The following CAMK2A variants were observed in gnomAD, a reference collection of about 807,000 sequenced individuals.
CAMK2A encodes the protein calcium/calmodulin-dependent protein kinase type II subunit alpha.
A neutral mutation model predicts 79.2 loss-of-function variants in CAMK2A; 7 were observed. The ratio of observed to expected loss-of-function variants is 0.09; its 90% confidence interval spans 0.05 to 0.17. CAMK2A has a LOEUF of 0.17. CAMK2A is among the 10% of genes least tolerant of loss of function. The pLI is 1.00. For missense variants in CAMK2A, 214 were observed against 646.4 expected, an observed-to-expected ratio of 0.33 and a Z score of 7.25; for synonymous variants, 242 against 251.7, an observed-to-expected ratio of 0.96 and a Z score of 0.36.
intron 17 of CAMK2A, among the ~76,000 whole-genome samples, chr5:150,227,715 GCT>G (rs1038453327): frequency 6.6e-6 from 1 of 152,184 alleles, no homozygotes. Context: ...AGCAGTGTGA[GCT>G]CTCTGTCCTC....
rs890188403 is a variant in CAMK2A, at chr5:150,278,560, G to A, written c.63-5401C>T. On this transcript the variant is annotated intron_variant, in intron 1 of 18. Transcript: ENST00000671881. ...AACAGGACAGGGCAGGAGAGGCAAC[G>A]AGGCCAAGTTGGGGAGGGCAAGGGT... Among the ~76,000 whole-genome samples the A allele has an allele frequency of 7.9e-5, 12 of 152,182 alleles. 1 individual carries two copies. The highest frequency in any genetic ancestry group is 2.1e-4 in the South Asian group (1 of 4,812).
Position 150,284,494 on chromosome 5 carries a change from GAGGA to G in CAMK2A, c.62+5066_62+5069del, listed in dbSNP as rs1454092126. On this transcript the variant is annotated intron_variant, in intron 1 of 18. Coordinates refer to ENST00000671881, the MANE Select transcript of CAMK2A (RefSeq NM_015981.4). The surrounding 1 kb of genome is among the most constrained non-coding windows in gnomAD (Gnocchi z 5.3). ...CTGTGTGCTTGTGGAGGGAGGTGGG[GAGGA>G]AGGGAGGGAGGGAGGGAGGCTCAGC... is the stretch of plus-strand genomic sequence containing the variant. Among the ~76,000 whole-genome samples, 11 of 147,260 alleles carry G rather than the reference GAGGA, an allele frequency of 7.5e-5. No homozygotes were observed. The highest frequency in any genetic ancestry group is 2.7e-4 in the African/African-American group (11 of 40,644).
At chr5:150,230,308 A>G (rs985598735) in intron 16 of CAMK2A, among the ~76,000 whole-genome samples, 4 of 115,520 alleles carry the variant, frequency 3.5e-5, no homozygotes, top group African/African-American at 1.5e-4. Context: ...ACAGAGTGAG[A>G]CTCCGTCTCA....
Position 150,226,668 on chromosome 5 carries a change from C to T in CAMK2A, c.1237+1524G>A, listed in dbSNP as rs192354452. Among the ~76,000 whole-genome samples, 237 of 117,336 alleles carry T rather than the reference C, an allele frequency of 2.0e-3. 3 individuals are homozygous for T. The highest frequency in any genetic ancestry group is 7.1e-3 in the African/African-American group (219 of 30,780). The allele number at this position is 117,336 out of a possible 152,430, so 77.0% of individuals were successfully genotyped here. ...AGGAGAATTGCTTGAACCCAGGAGG[C>T]GGAGGTTGCAGTGAGCCAAGATCGT... On this transcript the variant is annotated intron_variant, in intron 17 of 18. Coordinates refer to ENST00000671881, the MANE Select transcript of CAMK2A (RefSeq NM_015981.4).
chr5:150,253,057 C>T (rs1027335546), intron 7 of CAMK2A, among the ~76,000 whole-genome samples: 3 of 152,192 alleles, frequency 2.0e-5, no homozygotes, highest in African/African-American at 7.2e-5. Flanking sequence ...AGTTTTCTGC[C>T]AGTTTTTTCC....
chr5:150,261,238 C>T lies in CAMK2A; in HGVS notation c.218-3621G>A, dbSNP rs915260620. ...GGTTGGAATTCAGCCCCTACGTTTG[C>T]AGTGCACCACACACGTGATGGTACT... On this transcript the variant is annotated intron_variant, in intron 3 of 18. Coordinates refer to ENST00000671881, the MANE Select transcript of CAMK2A (RefSeq NM_015981.4). 3.9e-5 allele frequency among the ~76,000 whole-genome samples: 6 copies of T among 152,340 alleles called. No individual in the cohort carries two copies. In the South Asian group the frequency reaches 8.3e-4, roughly 21 times the overall value.
intron 10 of CAMK2A, 127 bp downstream of exon 10, chr5:150,250,561 C>T: frequency 1.5e-6 from 2 of 1,318,514 alleles, no homozygotes; most frequent in African/African-American, 1.5e-5. Context: ...AGAACCACAG[C>T]AGGGGCAGTC....
intron 16 of CAMK2A, 120 bp downstream of exon 16, chr5:150,231,185 T>C: frequency 1.9e-6 from 1 of 514,458 alleles, no homozygotes; most frequent in Non-Finnish European, 3.5e-6. Flanking sequence ...TTCAGCCCGA[T>C]TCACAGCACA....
intron 2 of CAMK2A, among the ~76,000 whole-genome samples, chr5:150,268,013 A>G (rs559472055): frequency 6.6e-6 from 1 of 152,046 alleles, no homozygotes; most frequent in Non-Finnish European, 1.5e-5. Context: ...AGCTGGGACT[A>G]CAGGCACATG....
rs1308774185 is a variant in CAMK2A at position 150,247,760 on chromosome 5, C to A, written c.943+12G>T. On this transcript the variant is annotated intron_variant, in intron 12 of 18. Transcript: ENST00000671881. ...CAGGGCTTACTGGGGACCCTGAGGT[C>A]CTGCCACCTACCGGAGAAGTTCCTG... The A allele has an allele frequency of 4.4e-6, 7 of 1,608,354 alleles. No homozygotes were observed. In the African/African-American group the frequency reaches 8.0e-5, roughly 18 times the overall value.
intron 14 of CAMK2A, among the ~76,000 whole-genome samples, chr5:150,239,261 C>T (rs55643067): frequency 0.022 from 3,285 of 152,214 alleles, 135 homozygotes; most frequent in African/African-American, 0.074. Context: ...GCTGGTGGCT[C>T]CCCTGCCACC....
intron 2 of CAMK2A, among the ~76,000 whole-genome samples, chr5:150,270,352 T>C (rs146005248): frequency 1.9e-4 from 29 of 152,390 alleles, no homozygotes; most frequent in Non-Finnish European, 4.1e-4. Context: ...CATTTCTTCA[T>C]GGTTTCTTTG....
At chr5:150,238,536 G>C in intron 15 of CAMK2A, 164 bp downstream of exon 15, 1 of 734,408 alleles carries the variant, frequency 1.4e-6, no homozygotes. Flanking sequence ...CCCTCCATGG[G>C]AATGATGCCT....
At chr5:150,277,730 C>A (rs1757011370) in intron 1 of CAMK2A, among the ~76,000 whole-genome samples, 1 of 152,148 alleles carries the variant, frequency 6.6e-6, no homozygotes, top group South Asian at 2.1e-4. Flanking sequence ...AGGAGTTTCT[C>A]AAAACAAGTT....
rs74794334 is a variant in CAMK2A, at chr5:150,287,261, C to T, written c.62+2303G>A. On this transcript the variant is annotated intron_variant, in intron 1 of 18. Coordinates refer to ENST00000671881, the MANE Select transcript of CAMK2A (RefSeq NM_015981.4). The stretch of plus-strand genomic sequence containing the variant: ...GCTCATACACAGTCTTCCCGATGTC[C>T]CTGCAAGCTCCTGACATTGCATGCA... Among the ~76,000 whole-genome samples the T allele has an allele frequency of 3.7e-4, 57 of 152,334 alleles. No individual in the cohort carries two copies. In the East Asian group the frequency reaches 0.011, roughly 28 times the overall value.
chr5:150,273,196 G>T (rs1416390512), intron 1 of CAMK2A, 37 bp from the exon 2 acceptor site: 1 of 1,487,818 alleles, frequency 6.7e-7, no homozygotes, highest in South Asian at 1.1e-5. Flanking sequence ...GTGAGGGAAT[G>T]CCTGAGGGCT....
Position 150,222,668 on chromosome 5 carries a change from G to A in CAMK2A, c.*42C>T. The A allele has an allele frequency of 6.2e-7, 1 of 1,611,894 alleles. No individual in the cohort carries two copies. The highest frequency in any genetic ancestry group is 8.5e-7 in the Non-Finnish European group (1 of 1,178,088). ...GCAGCTCCACTCCACGGACAGAGTG[G>A]ATCTCTGCGGCACAGCAACGCAGCG... is the stretch of plus-strand genomic sequence containing the variant. On this transcript the variant is annotated 3_prime_UTR_variant, in exon 19 of 19. Transcript: ENST00000671881.
chr5:150,261,602 T>C (rs934178632), intron 3 of CAMK2A, among the ~76,000 whole-genome samples: 26 of 152,328 alleles, frequency 1.7e-4, no homozygotes, highest in Middle Eastern at 3.4e-3. Context: ...GACAGTGGAT[T>C]TTTTTCTTGG....
chr5:150,271,159 C>T (rs762109833), intron 2 of CAMK2A, among the ~76,000 whole-genome samples: 1 of 152,358 alleles, frequency 6.6e-6, no homozygotes, highest in Non-Finnish European at 1.5e-5. Context: ...AATGGCAAGG[C>T]CAATCCAGGC....
Sources: allele counts gnomAD v4.1 joint callset (sites outside exome capture counted in the v4.1 genomes callset), GRCh38; gene constraint gnomAD v4.1.1; non-coding constraint Gnocchi (gnomAD v3.1); transcripts MANE v1.5; gene names NCBI Gene and HGNC (gene_info 2026-07-23, HGNC 2026-07-21).